SERBP1: variants seen among roughly 807,000 people sequenced by gnomAD.
SERBP1 encodes SERPINE1 mRNA binding protein 1, also known as SERPINE1 mRNA-binding protein 1.
In SERBP1, 6 loss-of-function variants were observed where a neutral mutation model predicts 50.2. The observed-to-expected ratio is 0.12, with a 90% CI of 0.07 to 0.24. The LOEUF (loss-of-function observed/expected upper bound fraction) is 0.24, where lower values mean the gene tolerates loss of function less well. Ranked by LOEUF, SERBP1 falls within the 10% of genes least tolerant of loss-of-function variation. The pLI is 1.00. For missense variants in SERBP1, 346 were observed against 524.9 expected (o/e 0.66, Z 3.33); for synonymous variants, 168 against 182.8 (o/e 0.92, Z 0.65).
chr1:67,415,724 C>T (rs1199114882), intron 6 of SERBP1, among the ~76,000 whole-genome samples: 1 of 152,094 alleles, frequency 6.6e-6, no homozygotes. Flanking sequence ...TGATGAAGAC[C>T]TCTGGAGAGA....
At chr1:67,428,326 T>C (rs566411860) in intron 1 of SERBP1, among the ~76,000 whole-genome samples, 1 of 152,346 alleles carries the variant, frequency 6.6e-6, no homozygotes, top group African/African-American at 2.4e-5. Flanking sequence ...CTTAAAATAC[T>C]ACTTTTCAGG....
rs780796496 is a variant in SERBP1 at position 67,420,030 on chromosome 1, A to C, written c.930T>G (p.Leu310=). The part of the protein sequence containing the change: ...ADGQWKKGFV[L]HKSKSEEAHA... Reference sequence around the variant, plus strand: ...TTACCTCTTCACTCTTTGATTTATGAAGAACAAATCCCTTCTTCCACTGCC... The same window carrying C: ...TTACCTCTTCACTCTTTGATTTATGCAGAACAAATCCCTTCTTCCACTGCC... Residue 310 remains leucine (L), a synonymous_variant, in exon 6 of 8, where the codon CTT becomes CTG. Coordinates refer to ENST00000361219, the MANE Select transcript of SERBP1 (RefSeq NM_001018069.2). 4 of 1,613,620 alleles carry C rather than the reference A, an allele frequency of 2.5e-6. No individual in the cohort carries two copies. The East Asian group carries it at 8.9e-5, about 36-fold the overall frequency.
Position 67,413,183 on chromosome 1 carries a change from C to T in SERBP1, c.*24G>A, listed in dbSNP as rs200580065. The T allele has an allele frequency of 1.0e-4, 160 of 1,585,522 alleles. No homozygotes were observed. Among genetic ancestry groups the T allele is most frequent in the Middle Eastern group, 5.4e-4 (3 of 5,516 alleles). On this transcript the variant is annotated 3_prime_UTR_variant, in exon 8 of 8. Transcript: ENST00000361219. ...TTGAACAGAAGGGTTCACAAAGGAA[C>T]CAGGGTTGTCTTATGGCATCCAGTT...
At chr1:67,429,811 G>A (rs1667509861) in intron 1 of SERBP1, among the ~76,000 whole-genome samples, 177 bp downstream of exon 1, 1 of 152,080 alleles carries the variant, frequency 6.6e-6, no homozygotes, top group African/African-American at 2.4e-5. Flanking sequence ...TTGAACTTGG[G>A]GCTACCACGC....
At chr1:67,429,321 G>A (rs1667488310) in intron 1 of SERBP1, 2 of 152,202 alleles carry the variant, frequency 1.3e-5, no homozygotes, top group African/African-American at 2.4e-5. Context: ...GGTTAATCGA[G>A]TGTGGCCAAA....
intron 6 of SERBP1, among the ~76,000 whole-genome samples, chr1:67,416,394 G>A (rs1667012147): frequency 6.6e-6 from 1 of 152,128 alleles, no homozygotes; most frequent in Non-Finnish European, 1.5e-5. Context: ...GACCCAGTCT[G>A]GGGGAAAAAA....
intron 6 of SERBP1, among the ~76,000 whole-genome samples, chr1:67,417,858 G>C (rs984285644): frequency 6.6e-6 from 1 of 151,578 alleles, no homozygotes. Context: ...CAGAAACTCT[G>C]AGCTCTGTCA....
intron 6 of SERBP1, among the ~76,000 whole-genome samples, chr1:67,416,146 G>A (rs1173950104): frequency 6.6e-6 from 1 of 151,660 alleles, no homozygotes; most frequent in Non-Finnish European, 1.5e-5. Flanking sequence ...CCAAGTAGCT[G>A]GGTCTATAGG....
At chr1:67,419,839 A>C (rs1667147544) in intron 6 of SERBP1, 170 bp downstream of exon 6, 1 of 605,974 alleles carries the variant, frequency 1.7e-6, no homozygotes, top group Non-Finnish European at 2.9e-6. Context: ...AATTTCTTAG[A>C]ATATGTGATA....
At chr1:67,421,244 T>TA (rs532135794) in intron 5 of SERBP1, among the ~76,000 whole-genome samples, 2 of 151,932 alleles carry the variant, frequency 1.3e-5, no homozygotes, top group Admixed American at 1.3e-4. Context: ...TCTAAGAATA[T>TA]AAAAAAAGTC....
Position 67,425,236 on chromosome 1 carries a change from CAA to C in SERBP1, c.465-15_465-14del. 1 of 1,571,630 alleles carries C rather than the reference CAA, an allele frequency of 6.4e-7. No homozygotes were observed. The highest frequency in any genetic ancestry group is 1.4e-5 in the African/African-American group (1 of 72,646). ...GTCAATAATCGGTCTATAATATAAA[CAA>C]ATAAATTATACTTCCATGGTTTCCA... is the stretch of plus-strand genomic sequence containing the variant. On this transcript the variant is annotated splice_polypyrimidine_tract_variant and intron_variant, in intron 2 of 7. Coordinates refer to ENST00000361219, the MANE Select transcript of SERBP1 (RefSeq NM_001018069.2).
chr1:67,425,042 G>A, intron 3 of SERBP1, 41 bp downstream of exon 3: 1 of 1,594,358 alleles, frequency 6.3e-7, no homozygotes. Flanking sequence ...TTATTAAATA[G>A]ATTAAAATAT....
At chr1:67,428,441 A>G (rs907317492) in intron 1 of SERBP1, among the ~76,000 whole-genome samples, 2 of 152,230 alleles carry the variant, frequency 1.3e-5, no homozygotes, top group Admixed American at 1.3e-4. Flanking sequence ...TCTACCTGGT[A>G]CACATTATTC....
intron 1 of SERBP1, among the ~76,000 whole-genome samples, chr1:67,428,000 G>A (rs553572032): frequency 2.6e-5 from 4 of 152,278 alleles, no homozygotes; most frequent in Non-Finnish European, 5.9e-5. Flanking sequence ...AGTATGTCAA[G>A]TATTATGTCA....
rs769644720 is a variant in SERBP1, at chr1:67,410,028, G to A, written c.*3179C>T. The A allele has an allele frequency of 7.2e-5, 11 of 152,140 alleles. No individual in the cohort carries two copies. Among genetic ancestry groups the A allele is most frequent in the Non-Finnish European group, 1.6e-4 (11 of 68,020 alleles). The allele number at this position is 152,140 out of a possible 1,614,324, so 9.4% of individuals were successfully genotyped here. A position where few individuals can be genotyped will look rare whatever the true frequency, so the allele number is the denominator to read the frequency against. ...CTGGGTTATAATCTATTTTCTAAGT[G>A]TTTACTTTAGAAAGTAAAATTGCAT... is the stretch of plus-strand genomic sequence containing the variant. On this transcript the variant is annotated 3_prime_UTR_variant, in exon 8 of 8. Transcript: ENST00000361219.
intron 1 of SERBP1, among the ~76,000 whole-genome samples, chr1:67,427,714 C>A (rs539350586): frequency 5.9e-4 from 90 of 152,284 alleles, no homozygotes; most frequent in African/African-American, 2.1e-3. Context: ...CAATAGTTGG[C>A]GTCCCCACCC....
chr1:67,428,947 T>C (rs922850527), intron 1 of SERBP1, among the ~76,000 whole-genome samples: 6 of 152,198 alleles, frequency 3.9e-5, no homozygotes, highest in Admixed American at 6.5e-5. Context: ...CTGCTTGCTA[T>C]TGATCATGCA....
intron 5 of SERBP1, among the ~76,000 whole-genome samples, chr1:67,421,200 A>C (rs1667186620): frequency 6.6e-6 from 1 of 152,162 alleles, no homozygotes; most frequent in Admixed American, 6.5e-5. Flanking sequence ...GATCTTGGGT[A>C]CTGAGTCCAC....
chr1:67,423,683 C>T (rs1667279727), intron 5 of SERBP1, among the ~76,000 whole-genome samples: 1 of 151,610 alleles, frequency 6.6e-6, no homozygotes, highest in African/African-American at 2.4e-5. Flanking sequence ...TAAAAACAGG[C>T]CAGTAATGCT....
Sources: allele counts gnomAD v4.1 joint callset (sites outside exome capture counted in the v4.1 genomes callset), GRCh38; gene constraint gnomAD v4.1.1; transcripts MANE v1.5; gene names NCBI Gene and HGNC (gene_info 2026-07-23, HGNC 2026-07-21).